Variants in CROCC observed in about 807,000 individuals in gnomAD.
The protein encoded by CROCC is ciliary rootlet coiled-coil, rootletin.
Under a neutral mutation model 245.2 loss-of-function variants are expected in CROCC, and 180 were observed. The ratio of observed to expected loss-of-function variants is 0.73; its 90% confidence interval spans 0.65 to 0.83. The LOEUF (loss-of-function observed/expected upper bound fraction) is 0.83, where lower values mean the gene tolerates loss of function less well. Ranked by LOEUF, CROCC falls within the 40% of genes least tolerant of loss-of-function variation. The pLI is 0.00. For synonymous variants in CROCC, 1,205 were observed against 1,241.6 expected (o/e 0.97, Z 0.62); for missense variants, 2,688 against 2,779.4 (o/e 0.97, Z 0.74).
chr1:16,929,918 G>T lies in CROCC; in HGVS notation c.424G>T (p.Val142Leu). 1.3e-6 allele frequency: 2 copies of T among 1,589,110 alleles called. No individual in the cohort carries two copies. The highest frequency in any genetic ancestry group is 1.7e-6 in the Non-Finnish European group (2 of 1,171,176). The change falls in exon 4 of 37, where the codon GTG (valine) becomes TTG (leucine). Residue 142 changes from valine to leucine, a missense_variant. Val to Leu is a conservative substitution (Grantham distance 32). Transcript: ENST00000375541. ...GCCCAGGGGGCTGGTACGGCAGAGC[G>T]TGGAGTTGCGGAGGCAGCTGCAGGA... ...QEPRGLVRQS[V>L]ELRRQLQEEQ...
chr1:16,965,703 A>G lies in CROCC; in HGVS notation c.4406-20A>G, dbSNP rs758534297. The G allele has an allele frequency of 2.5e-5, 39 of 1,565,704 alleles. 1 individual carries two copies. The South Asian group carries it at 4.2e-4, about 17-fold the overall frequency. On this transcript the variant is annotated intron_variant, in intron 27 of 36. Transcript: ENST00000375541. ...GCCCGTGGCTTCTGCATCACTGAGCAAGTCTTCTTTCTCTTCTAGGAAGCG... is the reference window on the plus strand; with the variant it reads ...GCCCGTGGCTTCTGCATCACTGAGCGAGTCTTCTTTCTCTTCTAGGAAGCG...
At position 16,966,535 on chromosome 1, in the gene CROCC, C is replaced by A; in HGVS notation, c.4824C>A (p.Ser1608Arg). The A allele has an allele frequency of 6.7e-7, 1 of 1,501,956 alleles. No individual in the cohort carries two copies. The highest frequency in any genetic ancestry group is 8.9e-7 in the Non-Finnish European group (1 of 1,128,184). 93.0% of individuals were successfully genotyped at this position (1,501,956 alleles called of 1,614,324 possible). Residue 1608 changes from serine (S) to arginine (R), a missense_variant, in exon 30 of 37, where the codon AGC becomes AGA. By Grantham distance (110) the Ser-to-Arg change is moderately radical. Coordinates refer to ENST00000375541, the MANE Select transcript of CROCC (RefSeq NM_014675.5). The surrounding 1 kb of genome is among the most constrained non-coding windows in gnomAD (Gnocchi z 4.8). ...ACCAGGTGGCCACACTGGAGAGGAGCCTGCAGGCCACCGAGAGCGAGCTCC... is the reference window on the plus strand; with the variant it reads ...ACCAGGTGGCCACACTGGAGAGGAGACTGCAGGCCACCGAGAGCGAGCTCC... ...TLDQVATLER[S>R]LQATESELRA...
intron 7 of CROCC, 97 bp downstream of exon 7, chr1:16,930,691 T>C: frequency 2.8e-6 from 4 of 1,410,972 alleles, no homozygotes; most frequent in Non-Finnish European, 3.8e-6. Context: ...GAGGGAGCAC[T>C]GTCCAAGGGA....
chr1:16,942,728 TC>T (rs2075959439), intron 13 of CROCC, among the ~76,000 whole-genome samples: 1 of 152,280 alleles, frequency 6.6e-6, no homozygotes, highest in Non-Finnish European at 1.5e-5. Context: ...ACCCAAGCTT[TC>T]CATGCCTGGA....
chr1:16,968,948 T>C (rs2076465198), intron 31 of CROCC, 168 bp from the exon 32 acceptor site: 5 of 737,598 alleles, frequency 6.8e-6, no homozygotes, highest in Non-Finnish European at 1.2e-5. Flanking sequence ...CAGGTGGCAG[T>C]AGGCTGAGCC....
rs1458387022 is a variant in CROCC at position 16,922,731 on chromosome 1, G to C, written c.129G>C (p.Gln43His). The part of the protein sequence containing the change: ...LGARDLAQDA[Q>H]ITSLPALIRE... ...CGCGGGACCTGGCCCAGGACGCTCA[G>C]ATCACCAGCCTGCCTGCCCTTATCA... The change falls in exon 2 of 37, where the codon CAG (glutamine) becomes CAC (histidine). Residue 43 changes from glutamine to histidine, a missense_variant. This residue lies in a region of CROCC where 972 missense variants were observed against 895.3 expected (regional missense o/e 1.09). Coordinates refer to ENST00000375541, the MANE Select transcript of CROCC (RefSeq NM_014675.5). The C allele has an allele frequency of 6.2e-7, 1 of 1,613,906 alleles. No individual in the cohort carries two copies. Among genetic ancestry groups the C allele is most frequent in the South Asian group, 1.1e-5 (1 of 91,086 alleles).
intron 14 of CROCC, among the ~76,000 whole-genome samples, chr1:16,944,888 G>A (rs1570651977): frequency 1.3e-5 from 2 of 152,400 alleles, no homozygotes; most frequent in East Asian, 3.8e-4. Flanking sequence ...TGTTTCTGAA[G>A]GTCCTTGGGG....
chr1:16,943,032 C>T (rs1473123341), intron 13 of CROCC, among the ~76,000 whole-genome samples: 41 of 151,330 alleles, frequency 2.7e-4, no homozygotes, highest in South Asian at 2.1e-4. Flanking sequence ...CACCTGAGGT[C>T]GGGAGTTCGA....
intron 14 of CROCC, among the ~76,000 whole-genome samples, chr1:16,944,870 G>T (rs1240670517): frequency 6.6e-6 from 1 of 152,284 alleles, no homozygotes; most frequent in Non-Finnish European, 1.5e-5. Context: ...GGTGGAGCAT[G>T]TTATTCTTGT....
At chr1:16,923,084 C>T (rs1557573107) in intron 2 of CROCC, among the ~76,000 whole-genome samples, 3 of 152,292 alleles carry the variant, frequency 2.0e-5, no homozygotes, top group African/African-American at 4.8e-5. Flanking sequence ...CCCGTATTCC[C>T]ACCCGGGGAA....
rs534594917 is a variant in CROCC at position 16,930,698 on chromosome 1, G to A, written c.849+104G>A. The A allele has an allele frequency of 2.3e-3, 3,142 of 1,359,292 alleles. 24 individuals carry two copies. The South Asian group carries it at 0.03, about 13-fold the overall frequency. 84.2% of individuals were successfully genotyped at this position (1,359,292 alleles called of 1,614,324 possible). ...GAGAGGGAGAGGGAGCACTGTCCAA[G>A]GGAGCCTGTTAGCAGAAGTAAATAG... On this transcript the variant is annotated intron_variant, in intron 7 of 36. Coordinates refer to ENST00000375541, the MANE Select transcript of CROCC (RefSeq NM_014675.5).
At chr1:16,922,174 T>C in intron 1 of CROCC, 96 bp downstream of exon 1, 1 of 1,250,736 alleles carries the variant, frequency 8.0e-7, no homozygotes, top group Non-Finnish European at 1.1e-6. Flanking sequence ...GATCAAGGGG[T>C]GGGAGAGGTG....
upstream of CROCC, among the ~76,000 whole-genome samples, chr1:16,920,879 G>T (rs2075389339): frequency 6.6e-6 from 1 of 152,224 alleles, no homozygotes; most frequent in African/African-American, 2.4e-5. Flanking sequence ...AAGTAGCTGG[G>T]ATTACAGGTG....
At position 16,946,858 on chromosome 1, in the gene CROCC, G is replaced by C. The variant is rs746641871; in HGVS notation, c.2381G>C (p.Arg794Pro). 1 of 1,554,946 alleles carries C rather than the reference G, an allele frequency of 6.4e-7. No homozygotes were observed. The change falls in exon 17 of 37, where the codon CGG becomes CCG. Residue 794 changes from arginine to proline, a missense_variant. Physicochemically the swap from Arg to Pro is moderately radical, Grantham distance 103. Coordinates refer to ENST00000375541, the MANE Select transcript of CROCC (RefSeq NM_014675.5). ...REEQERLEEL[R>P]LEQEVARQGL... is the part of the protein sequence containing the mutation. The stretch of plus-strand genomic sequence containing the variant: ...GAGCAGGAACGGCTAGAGGAGCTGC[G>C]GTTGGAGCAGGAGGTGGCGCGGCAG...
rs74657070 is a variant in CROCC, at chr1:16,946,948, C to T, written c.2471C>T (p.Thr824Met). 70,557 of 1,546,026 alleles carry T rather than the reference C, an allele frequency of 0.046. 4 individuals are homozygous for T. The highest frequency in any genetic ancestry group is 0.062 in the Middle Eastern group (345 of 5,592). The change falls in exon 17 of 37, where the codon ACG becomes ATG. Residue 824 changes from threonine to methionine, a missense_variant. Coordinates refer to ENST00000375541, the MANE Select transcript of CROCC (RefSeq NM_014675.5). The part of the protein sequence containing the change: ...AQEALEQQLP[T>M]LRHERSQLQE... ...GAGGCATTGGAGCAGCAGCTCCCCA[C>T]GCTGCGCCATGAGCGCAGCCAGCTG...
In CROCC at chr1:16,972,761, G is replaced by A. The variant is rs1007144417; in HGVS notation, c.*315G>A. 9 of 197,722 alleles carry A rather than the reference G, an allele frequency of 4.6e-5. No individual in the cohort carries two copies. Among genetic ancestry groups the A allele is most frequent in the African/African-American group, 9.3e-5 (4 of 42,980 alleles). 12.2% of individuals were successfully genotyped at this position (197,722 alleles called of 1,614,324 possible). ...CTGGTCAGCCCTGGAGCATGGGATC[G>A]TGGGAAAGAGGAGGGGGACCAGGCC... On this transcript the variant is annotated 3_prime_UTR_variant, in exon 37 of 37. Transcript: ENST00000375541.
Position 16,922,557 on chromosome 1 carries a change from C to T in CROCC, c.61-106C>T, listed in dbSNP as rs1307596317. On this transcript the variant is annotated intron_variant, in intron 1 of 36. Transcript: ENST00000375541. The stretch of plus-strand genomic sequence containing the variant: ...CAGGCTTCACTCCATCTTGAGGGGG[C>T]TCCTGGGGACCTGTATCTTGGGCAG... 9 of 1,441,642 alleles carry T rather than the reference C, an allele frequency of 6.2e-6. No homozygotes were observed. The East Asian group carries it at 1.2e-4, about 19-fold the overall frequency. The allele number at this position is 1,441,642 out of a possible 1,614,324, so 89.3% of individuals were successfully genotyped here.
intron 13 of CROCC, chr1:16,941,099 A>G: frequency 5.5e-6 from 1 of 180,564 alleles, no homozygotes; most frequent in Non-Finnish European, 1.2e-5. Flanking sequence ...AGCTTCAATC[A>G]CTCCTCCCAC....
chr1:16,945,670 C>G (rs2076029716), intron 15 of CROCC, 64 bp downstream of exon 15: 1 of 1,532,818 alleles, frequency 6.5e-7, no homozygotes, highest in Non-Finnish European at 8.9e-7. Context: ...AGCCTTGTCA[C>G]TCTGGCACAG....
Sources: gnomAD v4.1 joint callset for allele counts (sites outside exome capture counted in the v4.1 genomes callset) on GRCh38, gnomAD v4.1.1 for gene constraint, gnomAD v4.1.1 regional missense constraint, Gnocchi (gnomAD v3.1) non-coding constraint, MANE v1.5 for transcripts, NCBI Gene and HGNC (gene_info 2026-07-23, HGNC 2026-07-21) for gene names.